Variants in MGA observed in about 807,000 individuals in gnomAD.
The protein encoded by MGA is MAX gene-associated protein.
In MGA, 40 loss-of-function variants were observed where a neutral mutation model predicts 261.1. That is an observed-to-expected ratio of 0.15 (90% CI 0.12 to 0.20). The LOEUF is 0.20. Among genes scored for constraint, MGA ranks in the 10% least tolerant of loss-of-function variants. MGA has a pLI of 1.00. For missense variants in MGA, 3,397 were observed against 3,630.5 expected, an observed-to-expected ratio of 0.94 and a Z score of 1.65; for synonymous variants, 1,302 against 1,290.6, an observed-to-expected ratio of 1.01 and a Z score of -0.19.
At position 41,766,937 on chromosome 15, in the gene MGA, C is replaced by T; in HGVS notation, c.8855C>T (p.Ser2952Phe). 6.2e-7 allele frequency: 1 copy of T among 1,614,026 alleles called. No individual in the cohort carries two copies. The highest frequency in any genetic ancestry group is 8.5e-7 in the Non-Finnish European group (1 of 1,179,880). Residue 2952 changes from serine (S) to phenylalanine (F), a missense_variant, in exon 24 of 24, where the codon TCT becomes TTT. Transcript: ENST00000219905. ...GCTATTGATGGAGGGAAGAATACTT[C>T]TGGCCTCCCTGCAGAGCCCGAAAGT...
intron 1 of MGA, among the ~76,000 whole-genome samples, chr15:41,667,444 C>G (rs1044526353): frequency 4.5e-4 from 68 of 152,214 alleles, no homozygotes; most frequent in African/African-American, 1.6e-3. Context: ...CAGGGTTTCA[C>G]CATGTTGGCC....
At position 41,698,911 on chromosome 15, in the gene MGA, A is replaced by G. The variant is rs1186397587; in HGVS notation, c.2062A>G (p.Ser688Gly). The G allele has an allele frequency of 2.6e-6, 4 of 1,550,330 alleles. No individual in the cohort carries two copies. The highest frequency in any genetic ancestry group is 2.6e-6 in the Non-Finnish European group (3 of 1,146,838). Residue 688 changes from serine (S) to glycine (G), a missense_variant, in exon 4 of 24, where the codon AGT (serine) becomes GGT (glycine). By Grantham distance (56) the Ser-to-Gly change is moderately conservative. This residue lies in a region of MGA where 563 missense variants were observed against 563.6 expected (regional missense o/e 1.00). Coordinates refer to ENST00000219905, the MANE Select transcript of MGA (RefSeq NM_001164273.2). ...TGATGGGACAACAGAAGAATCTTCTAGTCTCCAGGCATCAACCACAAATGA... is the reference window on the plus strand; with the variant it reads ...TGATGGGACAACAGAAGAATCTTCTGGTCTCCAGGCATCAACCACAAATGA...
At position 41,734,435 on chromosome 15, in the gene MGA, G is replaced by A. The variant is rs879208674; in HGVS notation, c.3844-87G>A. 45 of 1,022,882 alleles carry A rather than the reference G, an allele frequency of 4.4e-5. No homozygotes were observed. In the South Asian group the frequency reaches 5.8e-4, roughly 13 times the overall value. 63.4% of individuals were successfully genotyped at this position (1,022,882 alleles called of 1,614,324 possible). A position where few individuals can be genotyped will look rare whatever the true frequency, so the allele number is the denominator to read the frequency against. Reference sequence around the variant, plus strand: ...AGTCATTCTAATGATTTAAACTTCTGTGAGAGATTTAATGCTTGTGTCCAA... The same window carrying A: ...AGTCATTCTAATGATTTAAACTTCTATGAGAGATTTAATGCTTGTGTCCAA... On this transcript the variant is annotated intron_variant, in intron 11 of 23. Transcript: ENST00000219905.
At chr15:41,653,805 G>T (rs2057114726) in intron 1 of MGA, among the ~76,000 whole-genome samples, 1 of 151,074 alleles carries the variant, frequency 6.6e-6, no homozygotes, top group South Asian at 2.1e-4. Flanking sequence ...TATGTGATAT[G>T]CCTGGAGCTT....
chr15:41,762,990 TC>T (rs2063569609), intron 22 of MGA, among the ~76,000 whole-genome samples: 1 of 152,106 alleles, frequency 6.6e-6, no homozygotes, highest in Non-Finnish European at 1.5e-5. Flanking sequence ...TCCCTGCAGT[TC>T]TACTGATGGG....
intron 2 of MGA, among the ~76,000 whole-genome samples, chr15:41,694,614 C>G (rs2059456799): frequency 6.6e-6 from 1 of 151,762 alleles, no homozygotes; most frequent in Non-Finnish European, 1.5e-5. Flanking sequence ...GCAAGCTCCG[C>G]CTCCCAGGTT....
rs764895428 is a variant in MGA at position 41,727,308 on chromosome 15, T to C, written c.3559T>C (p.Leu1187=). ...TGTCATTGAGCCTATGAAACCATTG[T>C]TATTGCCTCAGCCAGAAGTTTTATC... Residue 1187 remains leucine (L), a synonymous_variant, in exon 10 of 24, where the codon TTA becomes CTA. Coordinates refer to ENST00000219905, the MANE Select transcript of MGA (RefSeq NM_001164273.2). The C allele has an allele frequency of 1.3e-5, 21 of 1,613,888 alleles. No homozygotes were observed. The highest frequency in any genetic ancestry group is 1.7e-5 in the Non-Finnish European group (20 of 1,179,884).
intron 12 of MGA, 50 bp downstream of exon 12, chr15:41,734,644 A>G (rs1567050383): frequency 1.5e-6 from 2 of 1,352,292 alleles, no homozygotes; most frequent in African/African-American, 1.5e-5. Context: ...ATTTAGGTCT[A>G]GATTATAGTA....
At chr15:41,632,627 C>T (rs894443919) in intron 1 of MGA, among the ~76,000 whole-genome samples, 1 of 152,198 alleles carries the variant, frequency 6.6e-6, no homozygotes. Flanking sequence ...CCCTTGCCCT[C>T]CAACCTCTTA....
chr15:41,718,860 A>T (rs888899888), intron 9 of MGA, among the ~76,000 whole-genome samples: 2 of 152,222 alleles, frequency 1.3e-5, no homozygotes, highest in African/African-American at 4.8e-5. Context: ...ATGAGGAAGA[A>T]TGCCCATTTT....
intron 11 of MGA, among the ~76,000 whole-genome samples, chr15:41,730,551 A>G (rs1347906860): frequency 6.6e-6 from 1 of 152,246 alleles, no homozygotes; most frequent in Non-Finnish European, 1.5e-5. Flanking sequence ...TATAATTTAC[A>G]CAGTCGTTCA....
At chr15:41,641,016 A>G (rs983216563) in intron 1 of MGA, among the ~76,000 whole-genome samples, 4 of 152,220 alleles carry the variant, frequency 2.6e-5, no homozygotes, top group African/African-American at 9.6e-5. Flanking sequence ...TCCCAGGCCT[A>G]GGTGACTATC....
upstream of MGA, among the ~76,000 whole-genome samples, chr15:41,656,916 G>A (rs1479407469): frequency 6.6e-6 from 1 of 152,054 alleles, no homozygotes; most frequent in Non-Finnish European, 1.5e-5. Context: ...AGCTGGGACT[G>A]CAGGCACCAC....
intron 9 of MGA, among the ~76,000 whole-genome samples, chr15:41,714,681 C>T (rs2060539676): frequency 1.3e-5 from 2 of 152,046 alleles, no homozygotes; most frequent in African/African-American, 2.4e-5. Flanking sequence ...TTAGTAGAGA[C>T]GGGGTTTCAC....
intron 18 of MGA, among the ~76,000 whole-genome samples, chr15:41,757,457 T>C (rs933570877): frequency 2.0e-5 from 3 of 152,200 alleles, no homozygotes; most frequent in Non-Finnish European, 4.4e-5. Context: ...ATGCAAATAC[T>C]ATGCCATTTT....
Position 41,635,459 on chromosome 15 carries a change from C to G in MGA, c.-68+14161C>G, listed in dbSNP as rs182524780. On this transcript the variant is annotated intron_variant, in intron 1 of 8. Coordinates refer to the MGA transcript ENST00000566718. ...GCGCGGTGGCTCACGCCAGTAATCCCAGCACTTTGGGAGGCCAAGGTGGGA... is the reference window on the plus strand; with the variant it reads ...GCGCGGTGGCTCACGCCAGTAATCCGAGCACTTTGGGAGGCCAAGGTGGGA... 4.6e-5 allele frequency among the ~76,000 whole-genome samples: 7 copies of G among 152,222 alleles called. No homozygotes were observed. In the East Asian group the frequency reaches 1.4e-3, roughly 29 times the overall value.
At chr15:41,647,386 T>C (rs1023095459) in intron 1 of MGA, among the ~76,000 whole-genome samples, 1 of 152,198 alleles carries the variant, frequency 6.6e-6, no homozygotes, top group Non-Finnish European at 1.5e-5. Context: ...GACCCTGATA[T>C]TCATTTACTT....
intron 21 of MGA, 125 bp from the exon 22 acceptor site, chr15:41,762,004 A>C: frequency 9.7e-7 from 1 of 1,027,794 alleles, no homozygotes; most frequent in Non-Finnish European, 1.4e-6. Context: ...GTTTCTTGTG[A>C]ATTGTAATCA....
intron 22 of MGA, among the ~76,000 whole-genome samples, chr15:41,763,868 G>A (rs1360156819): frequency 6.6e-6 from 1 of 151,956 alleles, no homozygotes; most frequent in Non-Finnish European, 1.5e-5. Context: ...TTAGAGAATG[G>A]TATATCTGGC....
Sources: allele counts gnomAD v4.1 joint callset (sites outside exome capture counted in the v4.1 genomes callset), GRCh38; gene constraint gnomAD v4.1.1; regional missense constraint gnomAD v4.1.1; transcripts MANE v1.5; gene names NCBI Gene and HGNC (gene_info 2026-07-23, HGNC 2026-07-21).